IGSF21: variants seen among roughly 807,000 people sequenced by gnomAD.
The protein encoded by IGSF21 is immunoglobulin superfamily member 21.
Under a neutral mutation model 46.8 loss-of-function variants are expected in IGSF21, and 28 were observed. The ratio of observed to expected loss-of-function variants is 0.60; its 90% confidence interval spans 0.44 to 0.82. The LOEUF (loss-of-function observed/expected upper bound fraction) is 0.82, where lower values mean the gene tolerates loss of function less well. IGSF21 is among the 40% of genes least tolerant of loss of function. The pLI is 0.00. For missense variants in IGSF21, 624 were observed against 665.5 expected (o/e 0.94, Z 0.69); for synonymous variants, 284 against 273.6 (o/e 1.04, Z -0.38).
At chr1:18,377,499 T>C (rs1052289496) in intron 9 of IGSF21, 68 bp downstream of exon 9, 30 of 1,292,882 alleles carry the variant, frequency 2.3e-5, no homozygotes, top group Non-Finnish European at 3.3e-5. Flanking sequence ...AAAGCTCTGG[T>C]CCCCCAAACT....
At chr1:18,288,534 A>G (rs1317546842) in intron 2 of IGSF21, among the ~76,000 whole-genome samples, 1 of 152,146 alleles carries the variant, frequency 6.6e-6, no homozygotes, top group African/African-American at 2.4e-5. Flanking sequence ...AGGCGTGGAG[A>G]AATGTTTCTA....
At chr1:18,153,410 C>T (rs564018696) in intron 1 of IGSF21, among the ~76,000 whole-genome samples, 1 of 152,330 alleles carries the variant, frequency 6.6e-6, no homozygotes, top group Admixed American at 6.5e-5. Context: ...CTCAGAGCTG[C>T]TCAGACATCT....
At chr1:18,219,273 G>T (rs962595833) in intron 1 of IGSF21, among the ~76,000 whole-genome samples, 1 of 152,232 alleles carries the variant, frequency 6.6e-6, no homozygotes, top group African/African-American at 2.4e-5. Flanking sequence ...AGGATTGAGG[G>T]ATTGAGCCAT....
At chr1:18,163,175 C>T (rs1192682744) in intron 1 of IGSF21, among the ~76,000 whole-genome samples, 1 of 152,072 alleles carries the variant, frequency 6.6e-6, no homozygotes, top group Non-Finnish European at 1.5e-5. Context: ...CTTCTGTGAG[C>T]CCGTTTCCTA....
chr1:18,290,302 G>T lies in IGSF21; in HGVS notation c.184-1564G>T, dbSNP rs540343782. ...TCCCCTCTGCACATGGTCAGAAAGC[G>T]CCAAGCCCTCAGAGGGGAAGAAAGT... is the stretch of plus-strand genomic sequence containing the variant. On this transcript the variant is annotated intron_variant, in intron 2 of 9. Coordinates refer to ENST00000251296, the MANE Select transcript of IGSF21 (RefSeq NM_032880.5). This position sits in a 1 kb window ranked among gnomAD's most constrained non-coding sequence, Gnocchi z 4.2. Among the ~76,000 whole-genome samples the T allele has an allele frequency of 6.6e-6, 1 of 152,170 alleles. No homozygotes were observed. The highest frequency in any genetic ancestry group is 1.5e-5 in the Non-Finnish European group (1 of 68,036).
chr1:18,358,160 G>A (rs2086041765), intron 4 of IGSF21, among the ~76,000 whole-genome samples: 2 of 151,892 alleles, frequency 1.3e-5, no homozygotes, highest in South Asian at 4.2e-4. Flanking sequence ...CTCTGCCACT[G>A]ACTTAGGGTA....
At chr1:18,269,042 A>G (rs775175624) in intron 2 of IGSF21, among the ~76,000 whole-genome samples, 5 of 152,204 alleles carry the variant, frequency 3.3e-5, no homozygotes, top group Non-Finnish European at 7.3e-5. Context: ...TCCTCGTCCA[A>G]ACCTCTTAAT....
chr1:18,313,257 T>C (rs1301265519), intron 3 of IGSF21, among the ~76,000 whole-genome samples: 4 of 152,100 alleles, frequency 2.6e-5, no homozygotes, highest in African/African-American at 9.7e-5. Flanking sequence ...CTCAGGTGGA[T>C]CCCTTCCAGG....
chr1:18,228,034 T>A (rs201536411), intron 2 of IGSF21, 24 bp downstream of exon 2: 6 of 1,562,312 alleles, frequency 3.8e-6, no homozygotes, highest in Non-Finnish European at 4.4e-6. Flanking sequence ...ACTGCCCCCT[T>A]CATGCCCATG....
At chr1:18,360,895 C>T (rs542718265) in intron 4 of IGSF21, among the ~76,000 whole-genome samples, 3 of 152,240 alleles carry the variant, frequency 2.0e-5, no homozygotes, top group East Asian at 1.9e-4. Context: ...TGCCCAAGCA[C>T]GTGGAGGTGG....
chr1:18,215,511 G>C (rs886282990), intron 1 of IGSF21, among the ~76,000 whole-genome samples: 2 of 152,192 alleles, frequency 1.3e-5, no homozygotes, highest in African/African-American at 2.4e-5. Context: ...TGTACATCAG[G>C]AGTGGTCTTT....
chr1:18,203,867 G>GGTATTT (rs2087101480), intron 1 of IGSF21, among the ~76,000 whole-genome samples: 1 of 152,138 alleles, frequency 6.6e-6, no homozygotes, highest in Non-Finnish European at 1.5e-5. Context: ...CTGTTATGTG[G>GGTATTT]GTATTTGTAT....
chr1:18,260,801 C>T (rs749537619), intron 2 of IGSF21, among the ~76,000 whole-genome samples: 6 of 152,156 alleles, frequency 3.9e-5, no homozygotes, highest in African/African-American at 2.4e-5. Context: ...GTCCAGCGTC[C>T]GAGCCCTGCC....
At chr1:18,265,341 G>A (rs2084980453) in intron 2 of IGSF21, among the ~76,000 whole-genome samples, 2 of 152,210 alleles carry the variant, frequency 1.3e-5, no homozygotes. Context: ...TTCAGCCTGA[G>A]CTCTGGGACA....
At chr1:18,359,387 G>GAAAGAAAGAAAGGAAGAAAGAAAGA (rs1557659651) in intron 4 of IGSF21, among the ~76,000 whole-genome samples, 4 of 33,854 alleles carry the variant, frequency 1.2e-4, no homozygotes, top group African/African-American at 3.4e-4. Context: ...AGAAAGAAAG[G>GAAAGAAAGAAAGGAAGAAAGAAAGA]AAGGAAGGAA....
chr1:18,314,906 T>A (rs924004546), intron 3 of IGSF21, among the ~76,000 whole-genome samples: 1 of 151,572 alleles, frequency 6.6e-6, no homozygotes, highest in Non-Finnish European at 1.5e-5. Context: ...TTGCTGGGGG[T>A]CCCAGGAGGC....
At chr1:18,283,241 C>T (rs1232231008) in intron 2 of IGSF21, among the ~76,000 whole-genome samples, 3 of 152,206 alleles carry the variant, frequency 2.0e-5, no homozygotes. Context: ...CTGTCAAAAC[C>T]GGATCTCCCA....
intron 1 of IGSF21, among the ~76,000 whole-genome samples, chr1:18,138,647 C>T (rs2086387911): frequency 1.3e-5 from 2 of 152,166 alleles, no homozygotes; most frequent in African/African-American, 4.8e-5. Flanking sequence ...GGCGAGGAAG[C>T]TGGGGTACTG....
chr1:18,336,751 C>A (rs1222824764), intron 4 of IGSF21, among the ~76,000 whole-genome samples: 2 of 152,118 alleles, frequency 1.3e-5, no homozygotes, highest in African/African-American at 2.4e-5. Flanking sequence ...CTGTATTAGT[C>A]CATTTTCATG....
Sources: allele counts gnomAD v4.1 joint callset (sites outside exome capture counted in the v4.1 genomes callset), GRCh38; gene constraint gnomAD v4.1.1; non-coding constraint Gnocchi (gnomAD v3.1); transcripts MANE v1.5; gene names NCBI Gene and HGNC (gene_info 2026-07-23, HGNC 2026-07-21).